Variants in SPG7 observed in about 807,000 individuals in gnomAD.
SPG7 encodes SPG7 matrix AAA peptidase subunit, paraplegin.
A neutral mutation model predicts 81.9 loss-of-function variants in SPG7; 103 were observed. The ratio of observed to expected loss-of-function variants is 1.26; its 90% CI spans 1.07 to 1.48. The LOEUF is 1.48. Ranked by LOEUF, SPG7 falls within the 40% of genes most tolerant of loss-of-function variation. SPG7 has a pLI of 0.00. For synonymous variants in SPG7, 534 were observed against 444.2 expected, an observed-to-expected ratio of 1.20 and a Z score of -2.54; for missense variants, 1,241 against 1,087.3, an observed-to-expected ratio of 1.14 and a Z score of -1.99.
chr16:89,511,673 T>G (rs2058024677), intron 2 of SPG7, among the ~76,000 whole-genome samples: 2 of 152,246 alleles, frequency 1.3e-5, no homozygotes, highest in Non-Finnish European at 2.9e-5. Context: ...AACCCGTTCA[T>G]GTCTTTGTGA....
At chr16:89,552,656 G>C (rs1365078114) in intron 13 of SPG7, 2 of 386,506 alleles carry the variant, frequency 5.2e-6, no homozygotes, top group East Asian at 1.3e-4. Flanking sequence ...TGAGGGGTCA[G>C]CGCAGCGGCC....
Position 89,531,770 on chromosome 16 carries a change from G to C in SPG7, c.988-134G>C, listed in dbSNP as rs901774741. 1.3e-5 allele frequency: 11 copies of C among 848,664 alleles called. No individual in the cohort carries two copies. In the African/African-American group the frequency reaches 1.3e-4, roughly 10 times the overall value. 52.6% of individuals were successfully genotyped at this position (848,664 alleles called of 1,614,324 possible). ...AGGTGAGAGGGTGGCTTGAACCCAG[G>C]AGTTTGAGGCTGCAGTGAGCTATCA... On this transcript the variant is annotated intron_variant, in intron 7 of 16. Transcript: ENST00000645818.
chr16:89,537,763 CCAGTGTCTGGG>C (rs1232685414), intron 9 of SPG7: 1 of 985,278 alleles, frequency 1.0e-6, no homozygotes, highest in Non-Finnish European at 1.2e-6. Context: ...GTCCAGGCTC[CCAGTGTCTGGG>C]CAGTGAATGA....
In SPG7 at chr16:89,508,589, C is replaced by G. The variant is rs1597597739; in HGVS notation, c.172C>G (p.Arg58Gly). 5.4e-6 allele frequency: 8 copies of G among 1,480,134 alleles called. No homozygotes were observed. Among genetic ancestry groups the G allele is most frequent in the South Asian group, 1.3e-5 (1 of 77,040 alleles). 91.7% of individuals were successfully genotyped at this position (1,480,134 alleles called of 1,614,324 possible). A position where few individuals can be genotyped will look rare whatever the true frequency, so the allele number is the denominator to read the frequency against. ...GGGGGACCTCGCCGAGGCTGGAGGC[C>G]GAGCTCTGCAGGTAAATCCCCGCGG... Reference protein sequence around the residue: ...PPGDLAEAGGRALQSLQLRLL... With the variant: ...PPGDLAEAGGGALQSLQLRLL... The change falls in exon 1 of 17, where the codon CGA (arginine) becomes GGA (glycine). Residue 58 changes from arginine to glycine, a missense_variant. Transcript: ENST00000645818.
In SPG7 at chr16:89,513,027, A is replaced by G. The variant is rs1432408808; in HGVS notation, c.366A>G (p.Glu122=). The G allele has an allele frequency of 1.9e-6, 3 of 1,609,296 alleles. No homozygotes were observed. Among genetic ancestry groups the G allele is most frequent in the African/African-American group, 2.7e-5 (2 of 74,814 alleles). The change falls in exon 3 of 17, where the codon GAA becomes GAG. Residue 122 remains glutamate (E), a synonymous_variant. Transcript: ENST00000645818. Reference sequence around the variant, plus strand: ...ATAAGTCGAAGGGGAAGGCGCCTGAAGAGGACGAAGGTATATTCATCTGAT... The same window carrying G: ...ATAAGTCGAAGGGGAAGGCGCCTGAGGAGGACGAAGGTATATTCATCTGAT... ...EKDKSKGKAP[E]EDEEERRRRE...
At chr16:89,543,887 T>G (rs2152408872) in intron 9 of SPG7, 2 of 152,736 alleles carry the variant, frequency 1.3e-5, no homozygotes, top group South Asian at 4.1e-4. Flanking sequence ...GGCCTCGTGA[T>G]CTGCCTGCCT....
At chr16:89,531,083 G>A in intron 7 of SPG7, 1 of 547,904 alleles carries the variant, frequency 1.8e-6, no homozygotes, top group Non-Finnish European at 3.3e-6. Context: ...GCAAAGCTCT[G>A]TGCTTTTTCC....
At chr16:89,523,800 G>T (rs2058224367) in intron 3 of SPG7, 1 of 723,778 alleles carries the variant, frequency 1.4e-6, no homozygotes, top group Non-Finnish European at 2.5e-6. Context: ...AGTGACCTCA[G>T]CGAATGAAGT....
chr16:89,508,776 C>G, intron 1 of SPG7, 176 bp downstream of exon 1: 1 of 779,488 alleles, frequency 1.3e-6, no homozygotes. Context: ...GGCCCTGGAT[C>G]GTGGGCGCTG....
At chr16:89,515,748 G>A (rs190045701) in intron 3 of SPG7, among the ~76,000 whole-genome samples, 1 of 149,508 alleles carries the variant, frequency 6.7e-6, no homozygotes, top group East Asian at 2.0e-4. Flanking sequence ...TCGCTCTGTC[G>A]CCAGGCTAGA....
chr16:89,530,192 T>G (rs1377358905), intron 6 of SPG7: 1 of 292,362 alleles, frequency 3.4e-6, no homozygotes, highest in Admixed American at 5.0e-5. Context: ...TTGCCCAGGC[T>G]GGAGTGCAGT....
Position 89,546,128 on chromosome 16 carries a change from C to T in SPG7, c.1450-530C>T, listed in dbSNP as rs190073692. 2.0e-3 allele frequency: 605 copies of T among 296,316 alleles called. 1 individual carries two copies. The highest frequency in any genetic ancestry group is 2.6e-3 in the Admixed American group (53 of 20,356). The allele number at this position is 296,316 out of a possible 1,614,324, so 18.4% of individuals were successfully genotyped here. On this transcript the variant is annotated intron_variant, in intron 10 of 16. Coordinates refer to ENST00000645818, the MANE Select transcript of SPG7 (RefSeq NM_003119.4). ...TTTTGAGACAGTCTCACTCTATCCC[C>T]CAGGCTGGAGTGCAGCGGCGCGATC...
chr16:89,508,465 C>T lies in SPG7; in HGVS notation c.48C>T (p.Gly16=). ...LLLRALRRGP[G]PGPRPLWGPG... ...TCCGTGCCCTCCGCCGGGGTCCAGG[C>T]CCGGGTCCTCGGCCGCTGTGGGGCC... The change falls in exon 1 of 17, where the codon GGC becomes GGT. Residue 16 remains glycine (G), a synonymous_variant. Transcript: ENST00000645818. 6.6e-7 allele frequency: 1 copy of T among 1,508,098 alleles called. No homozygotes were observed. Among genetic ancestry groups the T allele is most frequent in the South Asian group, 1.2e-5 (1 of 81,316 alleles). 93.4% of individuals were successfully genotyped at this position (1,508,098 alleles called of 1,614,324 possible). A position where few individuals can be genotyped will look rare whatever the true frequency, so the allele number is the denominator to read the frequency against.
chr16:89,544,928 C>T (rs945958437), intron 10 of SPG7, 156 bp downstream of exon 10: 16 of 879,962 alleles, frequency 1.8e-5, no homozygotes, highest in Non-Finnish European at 2.7e-5. Context: ...ATCGGCTGCA[C>T]GCCCCCAGCA....
At position 89,514,361 on chromosome 16, in the gene SPG7, C is replaced by T. The variant is rs1054917752; in HGVS notation, c.376+1324C>T. 9.5e-5 allele frequency: 13 copies of T among 136,602 alleles called. No homozygotes were observed. The East Asian group carries it at 2.8e-3, about 30-fold the overall frequency. 8.5% of individuals were successfully genotyped at this position (136,602 alleles called of 1,614,324 possible). ...TTTTTGCCAGAATCTCACTCTGTTG[C>T]CCCGGCTGGAGTGCAGTGGTGCGAT... On this transcript the variant is annotated intron_variant, in intron 3 of 16. Coordinates refer to ENST00000645818, the MANE Select transcript of SPG7 (RefSeq NM_003119.4).
intron 16 of SPG7, 148 bp from the exon 17 acceptor site, chr16:89,556,739 C>A: frequency 9.6e-6 from 7 of 727,918 alleles, no homozygotes; most frequent in South Asian, 7.3e-5. Context: ...TTCGGAGCTG[C>A]CTCCGTGCCT....
At position 89,544,680 on chromosome 16, in the gene SPG7, G is replaced by A. The variant is rs1567926289; in HGVS notation, c.1357G>A (p.Ala453Thr). 1 of 1,614,128 alleles carries A rather than the reference G, an allele frequency of 6.2e-7. No homozygotes were observed. Among genetic ancestry groups the A allele is most frequent in the South Asian group, 1.1e-5 (1 of 91,084 alleles). Residue 453 changes from alanine to threonine, a missense_variant, in exon 10 of 17, where the codon GCG (alanine) becomes ACG (threonine). By Grantham distance (58) the Ala-to-Thr change is moderately conservative (BLOSUM62 0). Transcript: ENST00000645818. Reference sequence around the variant, plus strand: ...TACCACAGACCATGTCATCGTCCTGGCGTCCACGAACCGAGCTGACATTTT... The same window carrying A: ...TACCACAGACCATGTCATCGTCCTGACGTCCACGAACCGAGCTGACATTTT... ...MGTTDHVIVL[A>T]STNRADILDG...
chr16:89,535,293 T>C (rs933979065), intron 9 of SPG7, among the ~76,000 whole-genome samples: 16 of 152,334 alleles, frequency 1.1e-4, no homozygotes, highest in African/African-American at 3.8e-4. Flanking sequence ...CCGTCTCTTC[T>C]GGGTGCCCCG....
chr16:89,553,611 A>T, intron 14 of SPG7, 183 bp from the exon 15 acceptor site: 1 of 616,374 alleles, frequency 1.6e-6, no homozygotes, highest in Non-Finnish European at 2.9e-6. Context: ...GGAAAGTTTT[A>T]AGACTCTCTT....
Sources: gnomAD v4.1 joint callset for allele counts (sites outside exome capture counted in the v4.1 genomes callset) on GRCh38, gnomAD v4.1.1 for gene constraint, MANE v1.5 for transcripts, NCBI Gene and HGNC (gene_info 2026-07-23, HGNC 2026-07-21) for gene names.